KLF8: variants seen among roughly 807,000 people sequenced by gnomAD.
KLF8 encodes Krueppel-like factor 8.
KLF8 carries 10 observed loss-of-function variants against 18.2 expected under a neutral mutation model. That is an observed-to-expected ratio of 0.55 (90% CI 0.34 to 0.93). The LOEUF is 0.93. KLF8 is among the 40% of genes least tolerant of loss of function. The pLI is 0.02. For synonymous variants in KLF8, 109 were observed against 97.3 expected (o/e 1.12, Z -0.71); for missense variants, 264 against 277.9 (o/e 0.95, Z 0.36).
chrX:56,208,685 A>G, the KLF8 span, among the ~76,000 whole-genome samples: 1 of 111,443 alleles, frequency 9.0e-6, no homozygotes, highest in African/African-American at 3.3e-5. Flanking sequence ...ATTTGTTCTA[A>G]GAAATTTTTC....
chrX:56,203,124 C>T, the KLF8 span, among the ~76,000 whole-genome samples: 5 of 112,010 alleles, frequency 4.5e-5, no homozygotes, highest in African/African-American at 1.6e-4. Context: ...CTATTTTTAA[C>T]TGGAGTGGAT....
At chrX:55,955,961 G>A in the KLF8 span, among the ~76,000 whole-genome samples, 1 of 111,369 alleles carries the variant, frequency 9.0e-6, no homozygotes, top group African/African-American at 3.3e-5. Flanking sequence ...TGATATTGGA[G>A]CTCTATTTCT....
the KLF8 span, among the ~76,000 whole-genome samples, chrX:56,095,924 TC>T: frequency 4.4e-4 from 49 of 111,811 alleles, no homozygotes; most frequent in African/African-American, 1.6e-3. Context: ...GAATTATTAT[TC>T]TATTCAGCAA....
chrX:55,988,244 G>T, the KLF8 span, among the ~76,000 whole-genome samples: 1 of 110,792 alleles, frequency 9.0e-6, no homozygotes, highest in African/African-American at 3.3e-5. Context: ...TGTTGCCATT[G>T]CTTTTGGTGT....
the KLF8 span, among the ~76,000 whole-genome samples, chrX:56,182,396 G>A: frequency 6.8e-4 from 76 of 111,855 alleles, no homozygotes; most frequent in African/African-American, 2.3e-3. Context: ...CTTCTTAGTC[G>A]TGGGTTTGAA....
the KLF8 span, among the ~76,000 whole-genome samples, chrX:56,190,048 TA>T: frequency 9.1e-6 from 1 of 109,349 alleles, no homozygotes; most frequent in African/African-American, 3.3e-5. Context: ...AATAAAAAAA[TA>T]AAAAATCTGG....
At chrX:55,930,880 A>G in the KLF8 span, among the ~76,000 whole-genome samples, 2 of 111,978 alleles carry the variant, frequency 1.8e-5, no homozygotes, top group Non-Finnish European at 3.8e-5. Flanking sequence ...TTTTGGTATC[A>G]GGATGATGCT....
At chrX:55,975,913 C>G in the KLF8 span, among the ~76,000 whole-genome samples, 1 of 111,298 alleles carries the variant, frequency 9.0e-6, no homozygotes, top group African/African-American at 3.3e-5. Flanking sequence ...AGTTTGAGAC[C>G]AGCCTGACCA....
the KLF8 span, among the ~76,000 whole-genome samples, chrX:55,939,486 C>T: frequency 9.0e-6 from 1 of 111,602 alleles, no homozygotes; most frequent in Non-Finnish European, 1.9e-5. Flanking sequence ...CAAGAGCAAA[C>T]ACGTTCAAAA....
At chrX:56,189,340 A>C in the KLF8 span, among the ~76,000 whole-genome samples, 1 of 112,075 alleles carries the variant, frequency 8.9e-6, no homozygotes, top group Non-Finnish European at 1.9e-5. Context: ...CACACCAGTT[A>C]GAATGGCAAT....
At chrX:55,964,529 A>T in the KLF8 span, among the ~76,000 whole-genome samples, 1 of 111,921 alleles carries the variant, frequency 8.9e-6, no homozygotes. Context: ...GTGAGCCAAG[A>T]TTGTGCCACT....
the KLF8 span, among the ~76,000 whole-genome samples, chrX:56,127,776 A>C: frequency 2.7e-5 from 3 of 112,534 alleles, no homozygotes; most frequent in East Asian, 2.8e-4. Flanking sequence ...AATTTATTTC[A>C]ATAAAGATGG....
chrX:56,239,492 A>G (rs754575382), intron 1 of KLF8, among the ~76,000 whole-genome samples: 1 of 112,379 alleles, frequency 8.9e-6, no homozygotes, highest in Non-Finnish European at 1.9e-5. Context: ...AGTTTTCTCT[A>G]TCTGACCTAG....
At chrX:56,226,660 A>G in the KLF8 span, among the ~76,000 whole-genome samples, 1 of 112,059 alleles carries the variant, frequency 8.9e-6, no homozygotes, top group Non-Finnish European at 1.9e-5. Flanking sequence ...ACTTGTTCAC[A>G]TACTCCTGGC....
At chrX:56,279,475 A>G (rs1198336310) in intron 5 of KLF8, among the ~76,000 whole-genome samples, 2 of 112,120 alleles carry the variant, frequency 1.8e-5, no homozygotes, top group African/African-American at 6.5e-5. Context: ...AAAGCGTGGC[A>G]AAAGACTATT....
the KLF8 span, among the ~76,000 whole-genome samples, chrX:56,103,472 A>G: frequency 9.0e-6 from 1 of 111,455 alleles, no homozygotes; most frequent in African/African-American, 3.3e-5. Flanking sequence ...TCTTTGAAGC[A>G]ATTGTGAATG....
chrX:56,000,338 G>C, the KLF8 span, among the ~76,000 whole-genome samples: 2 of 109,348 alleles, frequency 1.8e-5, no homozygotes, highest in Non-Finnish European at 3.8e-5. Flanking sequence ...TGGTTTTAAC[G>C]TGGTACTTGC....
the KLF8 span, among the ~76,000 whole-genome samples, chrX:56,226,018 A>C: frequency 8.9e-6 from 1 of 112,233 alleles, no homozygotes; most frequent in Non-Finnish European, 1.9e-5. Context: ...CTCTGAGAGA[A>C]ATATGTCAGA....
At chrX:56,207,967 A>C in the KLF8 span, among the ~76,000 whole-genome samples, 3 of 111,039 alleles carry the variant, frequency 2.7e-5, no homozygotes, top group African/African-American at 9.8e-5. Flanking sequence ...ATGAGGAGCA[A>C]AGTCACGTCT....
Sources: allele counts gnomAD v4.1 joint callset (sites outside exome capture counted in the v4.1 genomes callset), GRCh38; gene constraint gnomAD v4.1.1; transcripts MANE v1.5; gene names NCBI Gene and HGNC (gene_info 2026-07-23, HGNC 2026-07-21).